NTM: variants seen among roughly 807,000 people sequenced by gnomAD.
NTM encodes neurotrimin.
In NTM, 13 loss-of-function variants were observed where a neutral mutation model predicts 42.1. That is an observed-to-expected ratio of 0.31 (90% CI 0.20 to 0.49). The LOEUF (loss-of-function observed/expected upper bound fraction) is 0.49, where lower values mean the gene tolerates loss of function less well. NTM is among the 20% of genes least tolerant of loss of function. NTM has a pLI of 0.99. For missense variants in NTM, 373 were observed against 452.8 expected (o/e 0.82, Z 1.60); for synonymous variants, 187 against 179.2 (o/e 1.04, Z -0.35).
At chr11:132,076,347 T>G (rs1219395323) in intron 2 of NTM, among the ~76,000 whole-genome samples, 1 of 152,152 alleles carries the variant, frequency 6.6e-6, no homozygotes, top group East Asian at 1.9e-4. Flanking sequence ...TGCAGGTGGT[T>G]GGGACTTGGA....
At chr11:132,314,006 C>G (rs2095355302) in intron 6 of NTM, among the ~76,000 whole-genome samples, 1 of 152,176 alleles carries the variant, frequency 6.6e-6, no homozygotes, top group African/African-American at 2.4e-5. Flanking sequence ...TGATTTTTCT[C>G]CTCTTCATAG....
chr11:131,744,267 A>C (rs563813539), intron 1 of NTM, among the ~76,000 whole-genome samples: 6 of 152,348 alleles, frequency 3.9e-5, no homozygotes, highest in African/African-American at 1.4e-4. Flanking sequence ...ATAATTTGCA[A>C]TTTAACATCT....
At chr11:132,188,178 G>T (rs1299600430) in intron 3 of NTM, among the ~76,000 whole-genome samples, 1 of 152,130 alleles carries the variant, frequency 6.6e-6, no homozygotes, top group African/African-American at 2.4e-5. Context: ...ATAGACCAGA[G>T]ATTCTGCAAA....
At chr11:131,834,388 A>T (rs1297383028) in intron 1 of NTM, among the ~76,000 whole-genome samples, 2 of 151,944 alleles carry the variant, frequency 1.3e-5, no homozygotes, top group Non-Finnish European at 2.9e-5. Context: ...TTACTGATTT[A>T]TCCTTTACTC....
At chr11:132,006,335 C>T (rs1223445809) in intron 2 of NTM, among the ~76,000 whole-genome samples, 1 of 152,048 alleles carries the variant, frequency 6.6e-6, no homozygotes, top group Non-Finnish European at 1.5e-5. Flanking sequence ...TTTTTCCCTT[C>T]CTTCTGTGTG....
At chr11:131,670,198 C>A (rs953924195) in intron 1 of NTM, among the ~76,000 whole-genome samples, 11 of 152,176 alleles carry the variant, frequency 7.2e-5, no homozygotes, top group East Asian at 1.9e-4. Flanking sequence ...CCCAAAAGCT[C>A]TTCTCCTGCC....
intron 4 of NTM, among the ~76,000 whole-genome samples, chr11:132,252,827 T>A (rs994951060): frequency 8.5e-5 from 13 of 152,150 alleles, no homozygotes; most frequent in Non-Finnish European, 1.5e-4. Flanking sequence ...GGAGGAAAAA[T>A]GTACCTTGGT....
chr11:131,791,552 A>G (rs1200611989), intron 1 of NTM, among the ~76,000 whole-genome samples: 1 of 152,212 alleles, frequency 6.6e-6, no homozygotes, highest in Admixed American at 6.5e-5. Flanking sequence ...ACATCTGAGA[A>G]GGCCCCTCAG....
rs147616816 is a variant in NTM, at chr11:132,170,224, A to G, written c.400+23710A>G. Among the ~76,000 whole-genome samples, 163 of 152,362 alleles carry G rather than the reference A, an allele frequency of 1.1e-3. 1 individual carries two copies. The highest frequency in any genetic ancestry group is 3.8e-3 in the African/African-American group (158 of 41,588). ...TTCACCAATACTCTTCATGTCACCA[A>G]TAACCATAGGCCTCTAAAGAATAAT... On this transcript the variant is annotated intron_variant, in intron 3 of 8. Transcript: ENST00000683400.
intron 1 of NTM, among the ~76,000 whole-genome samples, chr11:131,372,433 A>G (rs1591486382): frequency 6.6e-6 from 1 of 152,056 alleles, no homozygotes; most frequent in Non-Finnish European, 1.5e-5. Flanking sequence ...ATATAATATG[A>G]AGCAGTATCA....
intron 2 of NTM, among the ~76,000 whole-genome samples, chr11:132,051,183 C>A (rs1350944699): frequency 1.3e-5 from 2 of 152,174 alleles, no homozygotes; most frequent in Non-Finnish European, 2.9e-5. Flanking sequence ...TAGTGCCTAC[C>A]TTTATTTATT....
intron 1 of NTM, among the ~76,000 whole-genome samples, chr11:131,747,533 C>T (rs910818735): frequency 6.6e-6 from 1 of 152,192 alleles, no homozygotes; most frequent in African/African-American, 2.4e-5. Flanking sequence ...GTTCTCCTTC[C>T]ATACCCCTGA....
intron 2 of NTM, among the ~76,000 whole-genome samples, chr11:132,023,419 A>G (rs2074651888): frequency 1.3e-5 from 2 of 152,180 alleles, no homozygotes; most frequent in South Asian, 4.1e-4. Flanking sequence ...TGTGAAATTG[A>G]GCCTTCTGGT....
intron 2 of NTM, among the ~76,000 whole-genome samples, chr11:132,061,267 A>G (rs2080627909): frequency 6.6e-6 from 1 of 152,168 alleles, no homozygotes; most frequent in Non-Finnish European, 1.5e-5. Context: ...GCATTGGCAT[A>G]TTTTTTGTGT....
At chr11:131,811,746 A>G (rs73579927) in intron 1 of NTM, among the ~76,000 whole-genome samples, 61 of 152,308 alleles carry the variant, frequency 4.0e-4, no homozygotes, top group African/African-American at 1.4e-3. Context: ...TGCCAATGGC[A>G]TTGACAGCAT....
chr11:131,721,696 G>A (rs979177503), intron 1 of NTM, among the ~76,000 whole-genome samples: 4 of 151,930 alleles, frequency 2.6e-5, no homozygotes, highest in Non-Finnish European at 4.4e-5. Flanking sequence ...TTTCTGTGAG[G>A]ATTAGATGAA....
chr11:131,752,172 A>G (rs2082641919), intron 1 of NTM, among the ~76,000 whole-genome samples: 1 of 152,206 alleles, frequency 6.6e-6, no homozygotes, highest in Non-Finnish European at 1.5e-5. Flanking sequence ...AGAATGGAAA[A>G]TGCTAGAACC....
intron 3 of NTM, among the ~76,000 whole-genome samples, chr11:132,151,881 GACT>G (rs1351081046): frequency 6.6e-6 from 1 of 152,138 alleles, no homozygotes; most frequent in Non-Finnish European, 1.5e-5. Flanking sequence ...CCCAGGCAGT[GACT>G]TGCAAATAAT....
intron 1 of NTM, among the ~76,000 whole-genome samples, chr11:131,389,091 A>C (rs1285247698): frequency 6.6e-6 from 1 of 152,140 alleles, no homozygotes; most frequent in Non-Finnish European, 1.5e-5. Context: ...ATATGCCAGC[A>C]AGTCCTCCCT....
Sources: gnomAD v4.1 joint callset for allele counts (sites outside exome capture counted in the v4.1 genomes callset) on GRCh38, gnomAD v4.1.1 for gene constraint, MANE v1.5 for transcripts, NCBI Gene and HGNC (gene_info 2026-07-23, HGNC 2026-07-21) for gene names.